KIAA0825: variants seen among roughly 807,000 people sequenced by gnomAD.
The protein encoded by KIAA0825 is KIAA0825, also known as uncharacterized protein KIAA0825.
Under a neutral mutation model 147.6 loss-of-function variants are expected in KIAA0825, and 119 were observed. The ratio of observed to expected loss-of-function variants is 0.81; its 90% confidence interval spans 0.69 to 0.94. The LOEUF (loss-of-function observed/expected upper bound fraction) is 0.94, where lower values mean the gene tolerates loss of function less well. Among genes scored for constraint, KIAA0825 ranks in the 40% least tolerant of loss-of-function variants. The probability of loss-of-function intolerance (pLI) is 0.00; values close to 1 mark genes in which losing one functional copy is unlikely to be tolerated. For synonymous variants in KIAA0825, 470 were observed against 518.1 expected (o/e 0.91, Z 1.26); for missense variants, 1,381 against 1,472.7 (o/e 0.94, Z 1.02).
intron 1 of KIAA0825, among the ~76,000 whole-genome samples, chr5:94,610,301 TCCC>T (rs1788450646): frequency 2.0e-5 from 3 of 151,034 alleles, no homozygotes; most frequent in Admixed American, 6.6e-5. Context: ...ATGCCTGTAA[TCCC>T]AGCTACTCAG....
intron 14 of KIAA0825, among the ~76,000 whole-genome samples, chr5:94,435,188 A>C (rs1210514186): frequency 6.6e-6 from 1 of 151,756 alleles, no homozygotes; most frequent in Non-Finnish European, 1.5e-5. Context: ...TTACATAGGT[A>C]AATGTGTGTC....
chr5:94,358,965 G>T (rs1268786239), intron 20 of KIAA0825, among the ~76,000 whole-genome samples: 1 of 152,074 alleles, frequency 6.6e-6, no homozygotes, highest in African/African-American at 2.4e-5. Flanking sequence ...TAAGAATCAT[G>T]AAATGAAAAC....
At chr5:94,253,553 C>T (rs892398880) in intron 20 of KIAA0825, among the ~76,000 whole-genome samples, 1 of 151,998 alleles carries the variant, frequency 6.6e-6, no homozygotes, top group African/African-American at 2.4e-5. Context: ...TCAACTTTAC[C>T]TAGTTTGAGC....
chr5:94,499,597 G>GT lies in KIAA0825; in HGVS notation c.971-14668_971-14667insA, dbSNP rs1309779616. On this transcript the variant is annotated intron_variant, in intron 5 of 20. Transcript: ENST00000682413. ...TTATTTCCCAATCTGGGGGGGGGGG[G>GT]GGACCAAGGGTCTTACACTTTCTGG... Among the ~76,000 whole-genome samples the GT allele has an allele frequency of 4.3e-5, 6 of 140,012 alleles. No homozygotes were observed. In the East Asian group the frequency reaches 1.4e-3, roughly 34 times the overall value. The allele number at this position is 140,012 out of a possible 152,430, so 91.9% of individuals were successfully genotyped here. A position where few individuals can be genotyped will look rare whatever the true frequency, so the allele number is the denominator to read the frequency against.
chr5:94,599,753 T>C (rs1786018790), intron 1 of KIAA0825, among the ~76,000 whole-genome samples: 1 of 152,156 alleles, frequency 6.6e-6, no homozygotes, highest in Non-Finnish European at 1.5e-5. Flanking sequence ...ATGCAAATCA[T>C]GTATCCCAGA....
intron 12 of KIAA0825, among the ~76,000 whole-genome samples, chr5:94,461,678 G>A (rs1759857211): frequency 6.6e-6 from 1 of 151,760 alleles, no homozygotes; most frequent in Non-Finnish European, 1.5e-5. Flanking sequence ...GCTTTTACCA[G>A]AATGTTATGC....
intron 5 of KIAA0825, among the ~76,000 whole-genome samples, chr5:94,487,437 G>A (rs1448701028): frequency 6.6e-6 from 1 of 152,154 alleles, no homozygotes; most frequent in Admixed American, 6.5e-5. Flanking sequence ...GCCAATTAAA[G>A]CGAAATTAAG....
At chr5:94,461,176 AATTT>A (rs1323229211) in intron 12 of KIAA0825, among the ~76,000 whole-genome samples, 1 of 151,988 alleles carries the variant, frequency 6.6e-6, no homozygotes, top group Non-Finnish European at 1.5e-5. Context: ...CTTTGATAAT[AATTT>A]ATTTGTTTTA....
chr5:94,322,051 T>C (rs1780241967), intron 20 of KIAA0825, among the ~76,000 whole-genome samples: 1 of 152,008 alleles, frequency 6.6e-6, no homozygotes, highest in Non-Finnish European at 1.5e-5. Context: ...GGCAAGTTAA[T>C]GATGAATCAT....
chr5:94,272,891 A>G (rs944789048), intron 20 of KIAA0825, among the ~76,000 whole-genome samples: 2 of 152,248 alleles, frequency 1.3e-5, no homozygotes, highest in South Asian at 2.1e-4. Flanking sequence ...AATTCATAGG[A>G]AAAGGCCTCC....
At chr5:94,164,839 G>A (rs550784593) in intron 20 of KIAA0825, among the ~76,000 whole-genome samples, 13 of 152,018 alleles carry the variant, frequency 8.6e-5, no homozygotes, top group Admixed American at 2.6e-4. Context: ...CCCATCTCTC[G>A]CCATATAAAA....
At chr5:94,224,174 A>G (rs1448113996) in intron 20 of KIAA0825, among the ~76,000 whole-genome samples, 1 of 130,560 alleles carries the variant, frequency 7.7e-6, no homozygotes, top group Non-Finnish European at 1.5e-5. Flanking sequence ...GCTCACTACA[A>G]CCTCCACCTC....
chr5:94,299,053 A>G (rs923426688), intron 20 of KIAA0825, among the ~76,000 whole-genome samples: 1 of 152,114 alleles, frequency 6.6e-6, no homozygotes, highest in Non-Finnish European at 1.5e-5. Context: ...GCACATCACC[A>G]ACAAAGCAAA....
intron 20 of KIAA0825, among the ~76,000 whole-genome samples, chr5:94,246,987 A>G (rs1459446435): frequency 6.6e-6 from 1 of 152,090 alleles, no homozygotes; most frequent in Non-Finnish European, 1.5e-5. Context: ...TCCTCTCTTT[A>G]TTGTCCTTAC....
chr5:94,447,378 G>A (rs1757864929), intron 13 of KIAA0825, among the ~76,000 whole-genome samples: 1 of 152,034 alleles, frequency 6.6e-6, no homozygotes, highest in Non-Finnish European at 1.5e-5. Flanking sequence ...ACCTGCAAAG[G>A]AAACAGAAAA....
chr5:94,464,776 T>C (rs1760278330), intron 11 of KIAA0825, 93 bp downstream of exon 11: 1 of 1,010,294 alleles, frequency 9.9e-7, no homozygotes. Flanking sequence ...ATGTTAAATA[T>C]ATAAGGAGTA....
At chr5:94,312,246 ATGTT>A (rs1235029612) in intron 20 of KIAA0825, among the ~76,000 whole-genome samples, 1 of 151,392 alleles carries the variant, frequency 6.6e-6, no homozygotes, top group African/African-American at 2.4e-5. Context: ...TGTGCATAAA[ATGTT>A]TGTTACTAAT....
intron 20 of KIAA0825, among the ~76,000 whole-genome samples, chr5:94,234,102 C>T (rs959781764): frequency 6.6e-6 from 1 of 152,044 alleles, no homozygotes; most frequent in East Asian, 1.9e-4. Context: ...CGCGGTGGCT[C>T]ACGCCTGTAA....
intron 20 of KIAA0825, among the ~76,000 whole-genome samples, chr5:94,342,167 G>T (rs1338868021): frequency 6.6e-6 from 1 of 151,838 alleles, no homozygotes; most frequent in Admixed American, 6.6e-5. Context: ...CTGCACTCCA[G>T]CCTGGGTGAC....
Sources: gnomAD v4.1 joint callset for allele counts (sites outside exome capture counted in the v4.1 genomes callset) on GRCh38, gnomAD v4.1.1 for gene constraint, MANE v1.5 for transcripts, NCBI Gene and HGNC (gene_info 2026-07-23, HGNC 2026-07-21) for gene names.